GMDS: variants seen among roughly 807,000 people sequenced by gnomAD.
GMDS encodes the protein GDP-mannose 4,6 dehydratase.
In GMDS, 20 loss-of-function variants were observed where a neutral mutation model predicts 49.9. The observed-to-expected ratio is 0.40, with a 90% CI of 0.28 to 0.58. The LOEUF is 0.58. Among genes scored for constraint, GMDS ranks in the 20% least tolerant of loss-of-function variants. GMDS has a pLI of 0.42. For missense variants in GMDS, 362 were observed against 481.4 expected, an observed-to-expected ratio of 0.75 and a Z score of 2.32; for synonymous variants, 177 against 178.6, an observed-to-expected ratio of 0.99 and a Z score of 0.07.
At chr6:1,724,378 C>A (rs937960919) in intron 9 of GMDS, among the ~76,000 whole-genome samples, 4 of 152,076 alleles carry the variant, frequency 2.6e-5, no homozygotes, top group East Asian at 1.9e-4. Flanking sequence ...GGGGTCGATG[C>A]GGATTCAAGA....
At chr6:2,230,350 A>G (rs1361442906) in intron 1 of GMDS, among the ~76,000 whole-genome samples, 1 of 152,256 alleles carries the variant, frequency 6.6e-6, no homozygotes, top group East Asian at 1.9e-4. Flanking sequence ...CATAAAGGTT[A>G]AGTGATCTCC....
chr6:1,845,052 A>G (rs561021570), intron 7 of GMDS, among the ~76,000 whole-genome samples: 1 of 152,314 alleles, frequency 6.6e-6, no homozygotes, highest in African/African-American at 2.4e-5. Flanking sequence ...TATTTTTCTC[A>G]TGTTCAAACT....
rs1164052909 is a variant in GMDS, at chr6:2,000,163, G to A, written c.346-39197C>T. ...CATTCTCCTGCCTCAGCCTCCCCAA[G>A]TAGCTGGGACTACAGGCGCCCGCCA... On this transcript the variant is annotated intron_variant, in intron 4 of 10. Coordinates refer to ENST00000380815, the MANE Select transcript of GMDS (RefSeq NM_001500.4). Among the ~76,000 whole-genome samples, 23 of 141,298 alleles carry A rather than the reference G, an allele frequency of 1.6e-4. 1 individual carries two copies. The highest frequency in any genetic ancestry group is 6.0e-4 in the African/African-American group (23 of 38,098). 92.7% of individuals were successfully genotyped at this position (141,298 alleles called of 152,430 possible).
intron 1 of GMDS, among the ~76,000 whole-genome samples, chr6:2,212,820 A>G (rs1780134785): frequency 6.6e-6 from 1 of 152,102 alleles, no homozygotes; most frequent in Non-Finnish European, 1.5e-5. Flanking sequence ...ACTATAAACC[A>G]TAAGAGCGTG....
chr6:1,742,442 A>G (rs774292436), intron 8 of GMDS, 26 bp downstream of exon 8: 2 of 1,278,882 alleles, frequency 1.6e-6, no homozygotes, highest in East Asian at 2.3e-5. Context: ...GAGAGCTACA[A>G]GTAGTCATTT....
intron 9 of GMDS, among the ~76,000 whole-genome samples, chr6:1,632,609 G>C (rs2113156261): frequency 6.6e-6 from 1 of 152,358 alleles, no homozygotes; most frequent in Middle Eastern, 3.4e-3. Context: ...AGGCATGATA[G>C]CTCATGCCTG....
intron 6 of GMDS, among the ~76,000 whole-genome samples, chr6:1,949,659 G>A (rs954466514): frequency 1.3e-5 from 2 of 152,168 alleles, no homozygotes; most frequent in African/African-American, 2.4e-5. Flanking sequence ...ATCGCCAAGT[G>A]TACATGTCAT....
intron 1 of GMDS, among the ~76,000 whole-genome samples, chr6:2,159,514 CTTTTTTT>C (rs1157303919): frequency 2.8e-5 from 3 of 108,180 alleles, no homozygotes; most frequent in African/African-American, 6.9e-5. Context: ...TTCTTTTTTT[CTTTTTTT>C]TTTTTTTTTT....
intron 4 of GMDS, among the ~76,000 whole-genome samples, chr6:1,997,279 G>A (rs1766344219): frequency 1.3e-5 from 2 of 152,044 alleles, no homozygotes; most frequent in African/African-American, 4.8e-5. Context: ...GGAGGCCAAG[G>A]TGGGCAAATC....
At chr6:2,002,126 TG>T (rs1308523130) in intron 4 of GMDS, among the ~76,000 whole-genome samples, 1 of 152,200 alleles carries the variant, frequency 6.6e-6, no homozygotes, top group Non-Finnish European at 1.5e-5. Flanking sequence ...AAGGGAAAAT[TG>T]GATTTATATA....
intron 4 of GMDS, among the ~76,000 whole-genome samples, chr6:2,040,187 CCT>C (rs1474729008): frequency 2.6e-5 from 4 of 152,216 alleles, no homozygotes; most frequent in Non-Finnish European, 4.4e-5. Context: ...CACCCTTGTA[CCT>C]CTCTACAAAG....
intron 1 of GMDS, among the ~76,000 whole-genome samples, chr6:2,186,837 G>A (rs1467520456): frequency 6.6e-6 from 1 of 152,134 alleles, no homozygotes; most frequent in African/African-American, 2.4e-5. Context: ...TCTGTATTTG[G>A]ATTTGCCACA....
intron 9 of GMDS, among the ~76,000 whole-genome samples, chr6:1,632,268 A>G (rs775133843): frequency 1.6e-4 from 25 of 152,322 alleles, no homozygotes; most frequent in Non-Finnish European, 1.8e-4. Flanking sequence ...AGAGGTCTCT[A>G]AGTAATAGAT....
At chr6:2,244,558 C>G (rs1417943612) in intron 1 of GMDS, among the ~76,000 whole-genome samples, 4 of 152,142 alleles carry the variant, frequency 2.6e-5, no homozygotes, top group Non-Finnish European at 4.4e-5. Context: ...ACTGCAACAC[C>G]TCTAAGAGGC....
intron 7 of GMDS, among the ~76,000 whole-genome samples, chr6:1,842,747 G>T (rs1050144210): frequency 1.3e-5 from 2 of 152,172 alleles, no homozygotes; most frequent in African/African-American, 4.8e-5. Context: ...GTGGGGATAG[G>T]GGATAAACTG....
chr6:1,725,268 A>T (rs1265378164), intron 9 of GMDS, among the ~76,000 whole-genome samples: 1 of 152,240 alleles, frequency 6.6e-6, no homozygotes, highest in Non-Finnish European at 1.5e-5. Context: ...GGACCTCATT[A>T]AAGCAATAAC....
At chr6:1,626,070 C>A (rs1489446019) in intron 9 of GMDS, 2 of 152,174 alleles carry the variant, frequency 1.3e-5, no homozygotes, top group Admixed American at 1.3e-4. Context: ...TCATGATGGT[C>A]GAGAGGGCAG....
intron 1 of GMDS, among the ~76,000 whole-genome samples, chr6:2,148,889 G>T (rs771991965): frequency 6.6e-6 from 1 of 152,152 alleles, no homozygotes; most frequent in Admixed American, 6.5e-5. Context: ...GGTAGAACAC[G>T]TGAGAAACTG....
intron 7 of GMDS, among the ~76,000 whole-genome samples, chr6:1,818,980 G>T (rs1039333292): frequency 6.6e-6 from 1 of 151,836 alleles, no homozygotes; most frequent in Non-Finnish European, 1.5e-5. Flanking sequence ...AAGGAAAGCC[G>T]CATGACTAGA....
Sources: gnomAD v4.1 joint callset for allele counts (sites outside exome capture counted in the v4.1 genomes callset) on GRCh38, gnomAD v4.1.1 for gene constraint, MANE v1.5 for transcripts, NCBI Gene and HGNC (gene_info 2026-07-23, HGNC 2026-07-21) for gene names.